CACNA1D: variants seen among roughly 807,000 people sequenced by gnomAD.
The protein encoded by CACNA1D is calcium voltage-gated channel subunit alpha1 D.
In CACNA1D, 55 loss-of-function variants were observed where a neutral mutation model predicts 257.1. The ratio of observed to expected loss-of-function variants is 0.21; its 90% CI spans 0.17 to 0.27. The LOEUF is 0.27. CACNA1D is among the 10% of genes least tolerant of loss of function. CACNA1D has a pLI of 1.00. For synonymous variants in CACNA1D, 980 were observed against 1,014.9 expected (o/e 0.97, Z 0.65); for missense variants, 1,876 against 2,784.0 (o/e 0.67, Z 7.34).
In CACNA1D at chr3:53,707,489, A is replaced by G. The variant is rs576183555; in HGVS notation, c.1390+4679A>G. ...GTGACAGGTAGCTCCAGCTTTGTGC[A>G]TTCATAGAATATTTAAAATGTCAAT... On this transcript the variant is annotated intron_variant, in intron 9 of 47. Transcript: ENST00000350061. 4.6e-5 allele frequency among the ~76,000 whole-genome samples: 7 copies of G among 152,316 alleles called. No individual in the cohort carries two copies. The South Asian group carries it at 1.2e-3, about 27-fold the overall frequency.
At chr3:53,582,805 G>T (rs1575967413) in intron 3 of CACNA1D, among the ~76,000 whole-genome samples, 1 of 152,134 alleles carries the variant, frequency 6.6e-6, no homozygotes, top group Non-Finnish European at 1.5e-5. Context: ...AAGGGACTTG[G>T]TGAGGGGATC....
chr3:53,562,505 A>G (rs10049492), intron 3 of CACNA1D, among the ~76,000 whole-genome samples: 57,392 of 152,004 alleles, frequency 0.38, 11,663 homozygotes, highest in Middle Eastern at 0.49. Flanking sequence ...AAAGCTGAGA[A>G]CTGTATTTTT....
chr3:53,515,025 A>G (rs2091276690), intron 3 of CACNA1D, among the ~76,000 whole-genome samples: 2 of 152,160 alleles, frequency 1.3e-5, no homozygotes, highest in East Asian at 3.8e-4. Context: ...ATCATCATTT[A>G]GACAATAAAG....
Position 53,732,871 on chromosome 3 carries a change from C to T in CACNA1D, c.2530C>T (p.Arg844Cys), listed in dbSNP as rs770899834. The stretch of plus-strand genomic sequence containing the variant: ...TGAACCTGAGGTTCCTGCCGGACCC[C>T]GTCCTCGAAGGATCTCGGAGTTGAA... Reference protein sequence around the residue: ...EDEPEVPAGPRPRRISELNMK... With the variant: ...EDEPEVPAGPCPRRISELNMK... Residue 844 changes from arginine to cysteine, a missense_variant, in exon 19 of 48, where the codon CGT becomes TGT. This residue lies in a region of CACNA1D where 271 missense variants were observed against 425.5 expected (regional missense o/e 0.64). Coordinates refer to ENST00000350061, the MANE Select transcript of CACNA1D (RefSeq NM_001128840.3). The T allele has an allele frequency of 2.5e-6, 4 of 1,613,634 alleles. No homozygotes were observed. Among genetic ancestry groups the T allele is most frequent in the African/African-American group, 1.3e-5 (1 of 74,876 alleles).
intron 8 of CACNA1D, among the ~76,000 whole-genome samples, chr3:53,691,704 T>TATATAATATATATATTACAG (rs2094521669): frequency 5.4e-5 from 3 of 55,404 alleles, no homozygotes; most frequent in South Asian, 8.2e-4. Context: ...ATATATTACA[T>TATATAATATATATATTACAG]ATATAATATA....
chr3:53,686,207 C>T (rs1203930697), intron 8 of CACNA1D, among the ~76,000 whole-genome samples: 2 of 152,098 alleles, frequency 1.3e-5, no homozygotes, highest in South Asian at 2.1e-4. Flanking sequence ...CAAACAGAAT[C>T]GCAAACAGAA....
At chr3:53,592,254 A>T (rs2093315810) in intron 3 of CACNA1D, among the ~76,000 whole-genome samples, 1 of 152,216 alleles carries the variant, frequency 6.6e-6, no homozygotes, top group Admixed American at 6.5e-5. Context: ...ATGAGGTGCC[A>T]TGTAGGCAGG....
Position 53,655,352 on chromosome 3 carries a change from C to T in CACNA1D, c.623+4434C>T, listed in dbSNP as rs115286582. Among the ~76,000 whole-genome samples the T allele has an allele frequency of 2.3e-3, 344 of 152,240 alleles. 1 individual carries two copies. Among genetic ancestry groups the T allele is most frequent in the Non-Finnish European group, 4.2e-3 (284 of 68,004 alleles). On this transcript the variant is annotated intron_variant, in intron 4 of 47. Transcript: ENST00000350061. ...GTACCCAGTAATGGGATTTCTGGGT[C>T]AAGTGGTAGTTCTGTTGTTAGCTCT...
At chr3:53,654,138 C>T (rs1209946868) in intron 4 of CACNA1D, among the ~76,000 whole-genome samples, 1 of 152,014 alleles carries the variant, frequency 6.6e-6, no homozygotes, top group African/African-American at 2.4e-5. Flanking sequence ...ACCTGTACCT[C>T]AATCAGTGTT....
chr3:53,787,830 C>T (rs911893603), intron 40 of CACNA1D, among the ~76,000 whole-genome samples: 1 of 152,154 alleles, frequency 6.6e-6, no homozygotes, highest in Non-Finnish European at 1.5e-5. Flanking sequence ...GAAGAGGGAA[C>T]CACAGAGGCT....
intron 4 of CACNA1D, among the ~76,000 whole-genome samples, chr3:53,652,699 G>A (rs1479354224): frequency 6.6e-6 from 1 of 152,226 alleles, no homozygotes; most frequent in African/African-American, 2.4e-5. Context: ...CTCTAGAGCA[G>A]GGGCTGGCAA....
intron 23 of CACNA1D, among the ~76,000 whole-genome samples, chr3:53,745,381 C>T (rs2095158478): frequency 6.6e-6 from 1 of 152,068 alleles, no homozygotes; most frequent in African/African-American, 2.4e-5. Context: ...GCTGGGATTA[C>T]AGGTGCACAC....
At chr3:53,809,909 G>A in intron 46 of CACNA1D, 69 bp from the exon 47 acceptor site, 1 of 1,452,448 alleles carries the variant, frequency 6.9e-7, no homozygotes, top group Non-Finnish European at 9.7e-7. Context: ...TGCTTGGTCT[G>A]TGCGCAGAAG....
At chr3:53,782,282 A>AT (rs2109077746) in intron 39 of CACNA1D, 1 of 141,902 alleles carries the variant, frequency 7.0e-6, no homozygotes, top group South Asian at 2.3e-4. Context: ...ATATATATAT[A>AT]TATATATATA....
At position 53,801,288 on chromosome 3, in the gene CACNA1D, T is replaced by G. The variant is rs2095534456; in HGVS notation, c.5271T>G (p.Asn1757Lys). 1 of 1,613,852 alleles carries G rather than the reference T, an allele frequency of 6.2e-7. No homozygotes were observed. ...AAGTTCCCACCTCAACAAATGCCAA[T>G]CTCAATAATGCCAATATGTCCAAAG... Reference protein sequence around the residue: ...GKQVPTSTNANLNNANMSKAA... With the variant: ...GKQVPTSTNAKLNNANMSKAA... The change falls in exon 42 of 48, where the codon AAT becomes AAG. Residue 1757 changes from asparagine (N) to lysine (K), a missense_variant. This residue lies in a region of CACNA1D where 491 missense variants were observed against 554.3 expected (regional missense o/e 0.89). Coordinates refer to ENST00000350061, the MANE Select transcript of CACNA1D (RefSeq NM_001128840.3).
Position 53,693,626 on chromosome 3 carries a change from A to G in CACNA1D, c.1221-9015A>G, listed in dbSNP as rs549123929. On this transcript the variant is annotated intron_variant, in intron 8 of 47. Transcript: ENST00000350061. ...TATGTAGAGGAAATAATTTAGGTCT[A>G]AAGAAGGCTGGACTCCCCTGATAAA... is the stretch of plus-strand genomic sequence containing the variant. Among the ~76,000 whole-genome samples the G allele has an allele frequency of 3.9e-5, 6 of 152,312 alleles. No individual in the cohort carries two copies. In the South Asian group the frequency reaches 1.2e-3, roughly 32 times the overall value.
At chr3:53,634,079 C>T (rs1559444994) in intron 3 of CACNA1D, among the ~76,000 whole-genome samples, 1 of 152,120 alleles carries the variant, frequency 6.6e-6, no homozygotes. Context: ...ATGAGTGTGC[C>T]TCAATTTATA....
chr3:53,524,484 A>G (rs1288940103), intron 3 of CACNA1D, among the ~76,000 whole-genome samples: 1 of 152,250 alleles, frequency 6.6e-6, no homozygotes, highest in African/African-American at 2.4e-5. Context: ...TGCAGTTTAC[A>G]GAAGATTTGC....
At chr3:53,706,829 T>C (rs1391464330) in intron 9 of CACNA1D, among the ~76,000 whole-genome samples, 2 of 152,144 alleles carry the variant, frequency 1.3e-5, no homozygotes, top group East Asian at 1.9e-4. Context: ...CCTATGTCCA[T>C]GTGTACACAT....
Sources: gnomAD v4.1 joint callset for allele counts (sites outside exome capture counted in the v4.1 genomes callset) on GRCh38, gnomAD v4.1.1 for gene constraint, gnomAD v4.1.1 regional missense constraint, MANE v1.5 for transcripts, NCBI Gene and HGNC (gene_info 2026-07-23, HGNC 2026-07-21) for gene names.